Variants in CSMD1 observed in about 807,000 individuals in gnomAD.
The protein encoded by CSMD1 is CUB and sushi domain-containing protein 1.
In CSMD1, 213 loss-of-function variants were observed where a neutral mutation model predicts 417.5. That is an observed-to-expected ratio of 0.51 (90% CI 0.46 to 0.57). The LOEUF (loss-of-function observed/expected upper bound fraction) is 0.57, where lower values mean the gene tolerates loss of function less well. CSMD1 is among the 20% of genes least tolerant of loss of function. The pLI is 0.00. For missense variants in CSMD1, 6,923 were observed against 4,529.7 expected (o/e 1.53, Z -15.17); for synonymous variants, 2,862 against 1,736.8 (o/e 1.65, Z -16.11).
chr8:4,197,935 C>T (rs1799433964), intron 3 of CSMD1, among the ~76,000 whole-genome samples: 1 of 152,152 alleles, frequency 6.6e-6, no homozygotes, highest in Non-Finnish European at 1.5e-5. Flanking sequence ...TTTAGTAATT[C>T]TGTACACATT....
At chr8:4,938,906 T>C (rs996574965) in intron 1 of CSMD1, among the ~76,000 whole-genome samples, 2 of 152,190 alleles carry the variant, frequency 1.3e-5, no homozygotes, top group African/African-American at 2.4e-5. Context: ...ACGTTGAACC[T>C]CTTTTCATAT....
chr8:4,586,331 A>C (rs1799698139), intron 2 of CSMD1, among the ~76,000 whole-genome samples: 1 of 152,232 alleles, frequency 6.6e-6, no homozygotes, highest in Non-Finnish European at 1.5e-5. Context: ...GCAGTGACTA[A>C]TTGCTTGTGT....
At chr8:3,385,185 C>T (rs1810929683) in intron 18 of CSMD1, among the ~76,000 whole-genome samples, 1 of 137,888 alleles carries the variant, frequency 7.3e-6, no homozygotes, top group Admixed American at 7.6e-5. Flanking sequence ...ATATAGAAGT[C>T]TAAATATATA....
intron 1 of CSMD1, among the ~76,000 whole-genome samples, chr8:4,747,599 T>C (rs776219484): frequency 6.6e-6 from 1 of 152,220 alleles, no homozygotes; most frequent in Non-Finnish European, 1.5e-5. Flanking sequence ...CTGAATGTTG[T>C]GCTTCTCTCT....
chr8:4,133,230 C>A (rs1033013155), intron 3 of CSMD1, among the ~76,000 whole-genome samples: 1 of 152,072 alleles, frequency 6.6e-6, no homozygotes, highest in African/African-American at 2.4e-5. Context: ...GTCACCATGC[C>A]CAGCTGGTAA....
At chr8:4,395,474 C>T (rs1324360602) in intron 3 of CSMD1, among the ~76,000 whole-genome samples, 1 of 151,058 alleles carries the variant, frequency 6.6e-6, no homozygotes, top group East Asian at 1.9e-4. Context: ...ATTACTGTTT[C>T]GATGAAGAAT....
At chr8:4,791,108 G>GAGAAGAGACGGT (rs1797665392) in intron 1 of CSMD1, among the ~76,000 whole-genome samples, 1 of 134,636 alleles carries the variant, frequency 7.4e-6, no homozygotes, top group Non-Finnish European at 1.6e-5. Flanking sequence ...GAAGAGACGG[G>GAGAAGAGACGGT]GAGAAGAGAC....
chr8:4,648,656 G>A (rs938328914), intron 1 of CSMD1, among the ~76,000 whole-genome samples: 2 of 152,212 alleles, frequency 1.3e-5, no homozygotes, highest in South Asian at 2.1e-4. Context: ...TCATTTCACA[G>A]ACAACCATGT....
intron 3 of CSMD1, among the ~76,000 whole-genome samples, chr8:4,065,986 G>A (rs550051768): frequency 1.3e-5 from 2 of 152,274 alleles, no homozygotes; most frequent in South Asian, 2.1e-4. Context: ...AAATAAAATA[G>A]GGGAAGGAGA....
At chr8:4,900,179 C>T (rs944715303) in intron 1 of CSMD1, among the ~76,000 whole-genome samples, 2 of 152,142 alleles carry the variant, frequency 1.3e-5, no homozygotes, top group Non-Finnish European at 2.9e-5. Flanking sequence ...ACATTCAAGT[C>T]CCAAAGTGAC....
intron 3 of CSMD1, among the ~76,000 whole-genome samples, chr8:4,210,624 T>C (rs1270690687): frequency 4.6e-5 from 7 of 152,096 alleles, no homozygotes; most frequent in Non-Finnish European, 7.3e-5. Context: ...TTAAATAATA[T>C]CTCATTAATT....
intron 3 of CSMD1, among the ~76,000 whole-genome samples, chr8:4,257,485 C>A (rs1267080973): frequency 6.6e-6 from 1 of 152,030 alleles, no homozygotes; most frequent in Non-Finnish European, 1.5e-5. Flanking sequence ...GCATATATTT[C>A]TATTAATTTT....
intron 52 of CSMD1, among the ~76,000 whole-genome samples, chr8:3,004,368 A>AGT (rs1161835861): frequency 5.9e-5 from 9 of 152,310 alleles, no homozygotes; most frequent in African/African-American, 2.2e-4. Context: ...TTTCTTGAGA[A>AGT]GTGTGTGTCA....
intron 1 of CSMD1, among the ~76,000 whole-genome samples, chr8:4,759,192 C>A (rs561631028): frequency 6.6e-6 from 1 of 152,156 alleles, no homozygotes; most frequent in African/African-American, 2.4e-5. Flanking sequence ...TTAGTGTTGT[C>A]TTGACTTGAG....
At chr8:4,186,670 A>G (rs920535538) in intron 3 of CSMD1, among the ~76,000 whole-genome samples, 5 of 152,044 alleles carry the variant, frequency 3.3e-5, no homozygotes, top group African/African-American at 1.2e-4. Context: ...CAAAATCAGT[A>G]TATTTGTTTT....
chr8:4,614,386 A>T (rs115297058), intron 2 of CSMD1, among the ~76,000 whole-genome samples: 100 of 152,312 alleles, frequency 6.6e-4, no homozygotes, highest in African/African-American at 2.2e-3. Context: ...AGGTTGACAG[A>T]AAACAGTCCA....
chr8:4,586,515 G>A (rs147407426), intron 2 of CSMD1, among the ~76,000 whole-genome samples: 1 of 152,144 alleles, frequency 6.6e-6, no homozygotes, highest in African/African-American at 2.4e-5. Context: ...ATGAGCCACA[G>A]CTTGGCAATT....
chr8:3,587,673 C>A (rs977905925), intron 8 of CSMD1, among the ~76,000 whole-genome samples: 4 of 152,106 alleles, frequency 2.6e-5, no homozygotes, highest in Non-Finnish European at 1.5e-5. Context: ...AAATCAGAGT[C>A]AAAGCAACTG....
intron 8 of CSMD1, among the ~76,000 whole-genome samples, chr8:3,597,820 A>C (rs1422231021): frequency 1.3e-5 from 2 of 151,818 alleles, no homozygotes; most frequent in East Asian, 3.9e-4. Flanking sequence ...GGAACATCAC[A>C]CACCGGGGCC....
Sources: gnomAD v4.1 joint callset for allele counts (sites outside exome capture counted in the v4.1 genomes callset) on GRCh38, gnomAD v4.1.1 for gene constraint, MANE v1.5 for transcripts, NCBI Gene and HGNC (gene_info 2026-07-23, HGNC 2026-07-21) for gene names.